KLHL7: variants seen among roughly 807,000 people sequenced by gnomAD.
KLHL7 encodes kelch-like protein 7.
Under a neutral mutation model 67.4 loss-of-function variants are expected in KLHL7, and 44 were observed. That is an observed-to-expected ratio of 0.65 (90% confidence interval 0.51 to 0.84). The LOEUF (loss-of-function observed/expected upper bound fraction) is 0.84. Among genes scored for constraint, KLHL7 ranks in the 40% least tolerant of loss-of-function variants. The pLI, the probability that KLHL7 is intolerant of heterozygous loss-of-function variation, is 0.00. For synonymous variants in KLHL7, 252 were observed against 243.3 expected, an observed-to-expected ratio of 1.04 and a Z score of -0.33; for missense variants, 362 against 718.1, an observed-to-expected ratio of 0.50 and a Z score of 5.67.
intron 9 of KLHL7, among the ~76,000 whole-genome samples, chr7:23,170,965 T>C: frequency 6.8e-6 from 1 of 147,628 alleles, no homozygotes. Flanking sequence ...TGGAATGCAG[T>C]GGCACGATCT....
At chr7:23,137,559 A>G (rs374887678) in intron 4 of KLHL7, among the ~76,000 whole-genome samples, 2 of 146,782 alleles carry the variant, frequency 1.4e-5, no homozygotes, top group Admixed American at 6.8e-5. Context: ...GCTCACTGCA[A>G]CCTCCGCCTC....
intron 6 of KLHL7, among the ~76,000 whole-genome samples, chr7:23,146,579 C>G (rs4504540): frequency 0.45 from 68,484 of 151,750 alleles, 17,801 homozygotes; most frequent in African/African-American, 0.73. Flanking sequence ...AAGGTCTTCC[C>G]TGTTCCAAGG....
intron 7 of KLHL7, among the ~76,000 whole-genome samples, chr7:23,160,179 A>G (rs1419994841): frequency 1.3e-5 from 2 of 152,226 alleles, no homozygotes; most frequent in African/African-American, 4.8e-5. Context: ...AAAGTGTAAT[A>G]TACCTTGCTG....
chr7:23,124,092 C>T (rs1783461883), intron 2 of KLHL7, among the ~76,000 whole-genome samples: 1 of 143,394 alleles, frequency 7.0e-6, no homozygotes, highest in African/African-American at 2.6e-5. Context: ...GATGGAGGTA[C>T]AGCTTCTACT....
Position 23,174,186 on chromosome 7 carries a change from C to G in KLHL7, c.1649C>G (p.Thr550Ser). 6.2e-7 allele frequency: 1 copy of G among 1,614,136 alleles called. No homozygotes were observed. Among genetic ancestry groups the G allele is most frequent in the African/African-American group, 1.3e-5 (1 of 75,044 alleles). ...TTAGGACACATTCTCGAATATAATACCGAAACAGACAAATGGGTTGCCAAC... is the reference window on the plus strand; with the variant it reads ...TTAGGACACATTCTCGAATATAATAGCGAAACAGACAAATGGGTTGCCAAC... ...GRLGHILEYNTETDKWVANSK... is the reference protein window; with the variant it reads ...GRLGHILEYNSETDKWVANSK... The change falls in exon 11 of 11, where the codon ACC becomes AGC. Residue 550 changes from threonine to serine, a missense_variant. Thr to Ser is a moderately conservative substitution (Grantham distance 58). Transcript: ENST00000339077.
rs1415153798 is a variant in KLHL7 at position 23,175,166 on chromosome 7, G to A, written c.*868G>A. ...TGTTGACTTTGAACTTCTTTAACGA[G>A]ATCATGAATTCTTTTCCCTTAGCCA... On this transcript the variant is annotated 3_prime_UTR_variant, in exon 11 of 11. Coordinates refer to ENST00000339077, the MANE Select transcript of KLHL7 (RefSeq NM_001031710.3). 2.2e-6 allele frequency: 1 copy of A among 454,060 alleles called. No homozygotes were observed. Among genetic ancestry groups the A allele is most frequent in the Admixed American group, 2.3e-5 (1 of 42,564 alleles). The allele number at this position is 454,060 out of a possible 1,614,324, so 28.1% of individuals were successfully genotyped here.
At chr7:23,136,330 T>TAAAG (rs1180244681) in intron 4 of KLHL7, among the ~76,000 whole-genome samples, 5 of 151,934 alleles carry the variant, frequency 3.3e-5, no homozygotes, top group African/African-American at 4.8e-5. Flanking sequence ...GTGAGAGAGG[T>TAAAG]AAAGAGCTCA....
At chr7:23,142,838 T>A (rs1271142420) in intron 5 of KLHL7, among the ~76,000 whole-genome samples, 2 of 152,176 alleles carry the variant, frequency 1.3e-5, no homozygotes, top group South Asian at 2.1e-4. Flanking sequence ...TGTAATATGG[T>A]GTTCTTTATA....
chr7:23,144,024 A>G lies in KLHL7; in HGVS notation c.792A>G (p.Ile264Met), dbSNP rs1265992369. The change falls in exon 6 of 11, where the codon ATA (isoleucine) becomes ATG (methionine). Residue 264 changes from isoleucine (I) to methionine (M), a missense_variant and splice_region_variant. Ile to Met is a conservative substitution (Grantham distance 10, BLOSUM62 1). This residue lies in a region of KLHL7 where 155 missense variants were observed against 280.8 expected (regional missense o/e 0.55). Transcript: ENST00000339077. ...ATCCTGAATGCCTTAAGATGGTGAT[A>G]AGTAAGTTGCCTTAATAACCATTTA... ...QDNPECLKMV[I>M]SGMRYHLLSP... 1 of 1,612,622 alleles carries G rather than the reference A, an allele frequency of 6.2e-7. No homozygotes were observed. The highest frequency in any genetic ancestry group is 8.5e-7 in the Non-Finnish European group (1 of 1,179,508).
intron 1 of KLHL7, among the ~76,000 whole-genome samples, chr7:23,110,849 A>G (rs537728624): frequency 7.0e-6 from 1 of 141,918 alleles, no homozygotes; most frequent in Admixed American, 7.9e-5. Flanking sequence ...CCCACCTATG[A>G]GTGAGAACAT....
chr7:23,149,890 TGATA>T (rs1198158866), intron 6 of KLHL7, among the ~76,000 whole-genome samples: 1 of 152,236 alleles, frequency 6.6e-6, no homozygotes, highest in Non-Finnish European at 1.5e-5. Context: ...TGATAAATAT[TGATA>T]AAGATGTTCA....
intron 1 of KLHL7, among the ~76,000 whole-genome samples, chr7:23,110,117 C>T (rs1051187843): frequency 6.6e-5 from 10 of 152,186 alleles, no homozygotes; most frequent in African/African-American, 1.9e-4. Context: ...TATCAGTGCC[C>T]GTGAGCAATC....
At chr7:23,145,229 CTT>C (rs61242955) in intron 6 of KLHL7, among the ~76,000 whole-genome samples, 1 of 147,730 alleles carries the variant, frequency 6.8e-6, no homozygotes. Context: ...CCTTTTCTTT[CTT>C]TTTTTTTTTA....
At chr7:23,127,682 C>G (rs1783625718) in intron 4 of KLHL7, among the ~76,000 whole-genome samples, 1 of 151,996 alleles carries the variant, frequency 6.6e-6, no homozygotes, top group African/African-American at 2.4e-5. Context: ...GCCTGGCCAA[C>G]ATGGTGAAAC....
chr7:23,136,038 G>A (rs1031455815), intron 4 of KLHL7, among the ~76,000 whole-genome samples: 2 of 152,166 alleles, frequency 1.3e-5, no homozygotes, highest in African/African-American at 4.8e-5. Context: ...GCCCTCCATT[G>A]TTGCTGGGAA....
intron 6 of KLHL7, among the ~76,000 whole-genome samples, chr7:23,148,600 GTTTT>G (rs1331697490): frequency 6.6e-6 from 1 of 152,108 alleles, no homozygotes; most frequent in Non-Finnish European, 1.5e-5. Flanking sequence ...CTAGTATCAG[GTTTT>G]TTGTTATGCC....
At chr7:23,135,272 T>G (rs1003846532) in intron 4 of KLHL7, among the ~76,000 whole-genome samples, 8 of 152,244 alleles carry the variant, frequency 5.3e-5, no homozygotes, top group Non-Finnish European at 1.0e-4. Context: ...TATCTAGTTT[T>G]ATTCCATTGT....
rs760805479 is a variant in KLHL7, at chr7:23,144,955, G to A, written c.793+930G>A. ...TCTCCAAAAAAAAAAAAACCTAGCCGGGCGTGGAGGCATGTGCCTGTGGTC... is the reference window on the plus strand; with the variant it reads ...TCTCCAAAAAAAAAAAAACCTAGCCAGGCGTGGAGGCATGTGCCTGTGGTC... On this transcript the variant is annotated intron_variant, in intron 6 of 10. Transcript: ENST00000339077. 2.7e-4 allele frequency among the ~76,000 whole-genome samples: 40 copies of A among 149,872 alleles called. 1 individual carries two copies. Among genetic ancestry groups the A allele is most frequent in the Non-Finnish European group, 4.7e-4 (32 of 67,588 alleles).
chr7:23,159,490 A>G (rs1457394181), intron 7 of KLHL7, among the ~76,000 whole-genome samples: 1 of 151,806 alleles, frequency 6.6e-6, no homozygotes, highest in South Asian at 2.1e-4. Flanking sequence ...TTTTCCTTTT[A>G]TCTTTTTTCT....
Sources: allele counts gnomAD v4.1 joint callset (sites outside exome capture counted in the v4.1 genomes callset), GRCh38; gene constraint gnomAD v4.1.1; regional missense constraint gnomAD v4.1.1; transcripts MANE v1.5; gene names NCBI Gene and HGNC (gene_info 2026-07-23, HGNC 2026-07-21).